The following GLT8D1 variants were observed in gnomAD, a reference collection of about 807,000 sequenced individuals.
GLT8D1 encodes glycosyltransferase 8 domain-containing protein 1.
A neutral mutation model predicts 46.2 loss-of-function variants in GLT8D1; 41 were observed. The ratio of observed to expected loss-of-function variants is 0.89; its 90% CI spans 0.69 to 1.15. The LOEUF (loss-of-function observed/expected upper bound fraction) is 1.15. Among genes scored for constraint, GLT8D1 ranks in the 50% most tolerant of loss-of-function variants. The pLI, the probability that GLT8D1 is intolerant of heterozygous loss-of-function variation, is 0.00. For missense variants in GLT8D1, 408 were observed against 449.3 expected (o/e 0.91, Z 0.83); for synonymous variants, 150 against 154.2 (o/e 0.97, Z 0.20).
intron 1 of GLT8D1, among the ~76,000 whole-genome samples, chr3:52,702,712 A>G (rs561807227): frequency 6.6e-6 from 1 of 151,930 alleles, no homozygotes; most frequent in Non-Finnish European, 1.5e-5. Context: ...CCCCATATCT[A>G]AAAAAAATTT....
chr3:52,695,894 T>A, intron 7 of GLT8D1, 34 bp downstream of exon 7: 1 of 1,212,542 alleles, frequency 8.2e-7, no homozygotes, highest in Non-Finnish European at 1.2e-6. Context: ...TTAAACAATA[T>A]TGTAGGAAGA....
chr3:52,698,396 T>C (rs140461948), intron 3 of GLT8D1, among the ~76,000 whole-genome samples: 215 of 152,214 alleles, frequency 1.4e-3, no homozygotes, highest in African/African-American at 4.7e-3. Flanking sequence ...AAAACTGAAA[T>C]AGAGGCCGGG....
chr3:52,696,579 A>G lies in GLT8D1; in HGVS notation c.410T>C (p.Val137Ala). The change falls in exon 5 of 10, where the codon GTA becomes GCA. Residue 137 changes from valine (V) to alanine (A), a missense_variant. Transcript: ENST00000266014. ...TTCCCCCTGGTCAGGATCCTCCTTT[A>G]CTTTTCCTTCCAAAAGTTTAGGGTC... The part of the protein sequence containing the change: ...NFDPKLLEGK[V>A]KEDPDQGESM... 6.2e-7 allele frequency: 1 copy of G among 1,605,564 alleles called. No homozygotes were observed. Among genetic ancestry groups the G allele is most frequent in the South Asian group, 1.1e-5 (1 of 90,852 alleles).
chr3:52,696,192 A>C, intron 6 of GLT8D1, 42 bp downstream of exon 6: 1 of 1,354,104 alleles, frequency 7.4e-7, no homozygotes, highest in Non-Finnish European at 1.1e-6. Flanking sequence ...AATTGTACCC[A>C]ATCTGGGTGG....
chr3:52,696,431 A>G, intron 5 of GLT8D1, 111 bp downstream of exon 5: 1 of 1,015,412 alleles, frequency 9.8e-7, no homozygotes, highest in Admixed American at 1.7e-5. Context: ...GGACTCTTAG[A>G]ACCACCCAGG....
At chr3:52,700,215 C>G (rs1224212047) in intron 3 of GLT8D1, 47 bp downstream of exon 3, 2 of 1,151,982 alleles carry the variant, frequency 1.7e-6, no homozygotes, top group African/African-American at 3.1e-5. Flanking sequence ...CAGAGAATAC[C>G]AGGTCCGCAA....
chr3:52,703,309 A>C (rs145385663), intron 1 of GLT8D1: 3,356 of 151,494 alleles, frequency 0.022, 61 homozygotes, highest in Non-Finnish European at 0.037. Flanking sequence ...CTGTAATCCC[A>C]GCTATTTGAG....
At position 52,695,217 on chromosome 3, in the gene GLT8D1, C is replaced by CGAT. The variant is rs756447397; in HGVS notation, c.895_897dup (p.Ile299dup). ...AGGTGGCGGACATTCCACATAGGATCGATGGTAGAGTGCTGTTGATAAAAT... is the reference window on the plus strand; with the variant it reads ...AGGTGGCGGACATTCCACATAGGATCGATGATGGTAGAGTGCTGTTGATAAAAT... On this transcript the variant is annotated inframe_insertion, in exon 9 of 10. Coordinates refer to ENST00000266014, the MANE Select transcript of GLT8D1 (RefSeq NM_018446.4). 1.9e-6 allele frequency: 3 copies of CGAT among 1,613,194 alleles called. No individual in the cohort carries two copies. The South Asian group carries it at 3.3e-5, about 18-fold the overall frequency.
In GLT8D1 at chr3:52,695,945, G is replaced by A. The variant is rs749077355; in HGVS notation, c.628C>T (p.Arg210Cys). Residue 210 changes from arginine to cysteine, a missense_variant, in exon 7 of 10, where the codon CGT becomes TGT. Coordinates refer to ENST00000266014, the MANE Select transcript of GLT8D1 (RefSeq NM_018446.4). ...CAATTTACCTGGTTTCCTGCTCCAC[G>A]GATGACAACTTTAGTAGAGGCTGAA... ...CDSASTKVVIRGAGNQYNYIG... is the reference protein window; with the variant it reads ...CDSASTKVVICGAGNQYNYIG... 41 of 1,601,322 alleles carry A rather than the reference G, an allele frequency of 2.6e-5. No homozygotes were observed. The highest frequency in any genetic ancestry group is 1.6e-4 in the Middle Eastern group (1 of 6,068).
At position 52,698,080 on chromosome 3, in the gene GLT8D1, T is replaced by C. The variant is rs188430945; in HGVS notation, c.116-146A>G. 4 of 615,196 alleles carry C rather than the reference T, an allele frequency of 6.5e-6. No homozygotes were observed. In the African/African-American group the frequency reaches 7.4e-5, roughly 11 times the overall value. 38.1% of individuals were successfully genotyped at this position (615,196 alleles called of 1,614,324 possible). A position where few individuals can be genotyped will look rare whatever the true frequency, so the allele number is the denominator to read the frequency against. Reference sequence around the variant, plus strand: ...ACTGAAGCATATAGCCCTGAAACTTTCCCTGTATGTAAATAAGCTTTTGGA... The same window carrying C: ...ACTGAAGCATATAGCCCTGAAACTTCCCCTGTATGTAAATAAGCTTTTGGA... On this transcript the variant is annotated intron_variant, in intron 3 of 9. Coordinates refer to ENST00000266014, the MANE Select transcript of GLT8D1 (RefSeq NM_018446.4).
At chr3:52,704,262 T>C (rs1276959339) in intron 1 of GLT8D1, among the ~76,000 whole-genome samples, 1 of 151,764 alleles carries the variant, frequency 6.6e-6, no homozygotes, top group Non-Finnish European at 1.5e-5. Flanking sequence ...CGTTTGAGAC[T>C]AGTCTGGCCA....
rs200668743 is a variant in GLT8D1, at chr3:52,694,994, C to G, written c.967G>C (p.Ala323Pro). The change falls in exon 10 of 10, where the codon GCT becomes CCT. Residue 323 changes from alanine (A) to proline (P), a missense_variant. Coordinates refer to ENST00000266014, the MANE Select transcript of GLT8D1 (RefSeq NM_018446.4). Reference protein sequence around the residue: ...GKRYSPQFVKAAKLLHWNGHL... With the variant: ...GKRYSPQFVKPAKLLHWNGHL... Reference sequence around the variant, plus strand: ...CCATTCCAATGGAGTAACTTGGCAGCCTTTACAAACTGAGGTGAATATCGT... The same window carrying G: ...CCATTCCAATGGAGTAACTTGGCAGGCTTTACAAACTGAGGTGAATATCGT... 4 of 1,612,898 alleles carry G rather than the reference C, an allele frequency of 2.5e-6. No individual in the cohort carries two copies. Among genetic ancestry groups the G allele is most frequent in the Non-Finnish European group, 3.4e-6 (4 of 1,178,874 alleles).
chr3:52,705,743 G>A lies in GLT8D1; in HGVS notation c.-333C>T, dbSNP rs929810339. On this transcript the variant is annotated 5_prime_UTR_variant, in exon 1 of 10. Coordinates refer to ENST00000266014, the MANE Select transcript of GLT8D1 (RefSeq NM_018446.4). Reference sequence around the variant, plus strand: ...CAGCCGCGCAGCCCCACTACGCCCAGCCAGCCCGCAGCGGTAACCGCTAGA... The same window carrying A: ...CAGCCGCGCAGCCCCACTACGCCCAACCAGCCCGCAGCGGTAACCGCTAGA... 1 of 931,222 alleles carries A rather than the reference G, an allele frequency of 1.1e-6. No homozygotes were observed. The highest frequency in any genetic ancestry group is 1.4e-6 in the Non-Finnish European group (1 of 717,364). 57.7% of individuals were successfully genotyped at this position (931,222 alleles called of 1,614,324 possible). A position where few individuals can be genotyped will look rare whatever the true frequency, so the allele number is the denominator to read the frequency against.
At chr3:52,700,656 AT>A (rs2097338590) in intron 1 of GLT8D1, 160 bp from the exon 2 acceptor site, 1 of 471,304 alleles carries the variant, frequency 2.1e-6, no homozygotes, top group Admixed American at 3.6e-5. Context: ...CAAGAACCCA[AT>A]TTGGGATCTG....
chr3:52,696,436 C>T, intron 5 of GLT8D1, 106 bp downstream of exon 5: 1 of 1,008,544 alleles, frequency 9.9e-7, no homozygotes, highest in South Asian at 1.3e-5. Flanking sequence ...CTTAGAACCA[C>T]CCAGGCTTGG....
intron 8 of GLT8D1, 40 bp downstream of exon 8, chr3:52,695,381 A>C (rs763037048): frequency 1.3e-6 from 2 of 1,596,336 alleles, no homozygotes; most frequent in Non-Finnish European, 1.7e-6. Context: ...AGGAATTGAA[A>C]TACAACAGTT....
intron 4 of GLT8D1, 58 bp from the exon 5 acceptor site, chr3:52,696,717 G>A (rs2097334033): frequency 3.1e-6 from 3 of 952,448 alleles, no homozygotes; most frequent in Non-Finnish European, 5.1e-6. Context: ...ACCAATGAGG[G>A]AATAATGCAA....
At chr3:52,697,485 A>C in intron 4 of GLT8D1, 1 of 538,134 alleles carries the variant, frequency 1.9e-6, no homozygotes, top group Non-Finnish European at 3.4e-6. Flanking sequence ...TGGGGTTAAC[A>C]GTTCAGAGTG....
chr3:52,694,703 AGTTT>A lies in GLT8D1; in HGVS notation c.*138_*141del. On this transcript the variant is annotated 3_prime_UTR_variant, in exon 10 of 10. Coordinates refer to ENST00000266014, the MANE Select transcript of GLT8D1 (RefSeq NM_018446.4). ...TGGGAAGCTGACTGCCAGACAGGGC[AGTTT>A]GTCATCTTTACCTAGCTGACACATC... 1 of 694,024 alleles carries A rather than the reference AGTTT, an allele frequency of 1.4e-6. No homozygotes were observed. Among genetic ancestry groups the A allele is most frequent in the South Asian group, 1.6e-5 (1 of 64,126 alleles). The allele number at this position is 694,024 out of a possible 1,614,324, so 43.0% of individuals were successfully genotyped here. A position where few individuals can be genotyped will look rare whatever the true frequency, so the allele number is the denominator to read the frequency against.
Sources: gnomAD v4.1 joint callset for allele counts (sites outside exome capture counted in the v4.1 genomes callset) on GRCh38, gnomAD v4.1.1 for gene constraint, MANE v1.5 for transcripts, NCBI Gene and HGNC (gene_info 2026-07-23, HGNC 2026-07-21) for gene names.